Variants in COL21A1 observed in about 807,000 individuals in gnomAD.
COL21A1 encodes collagen alpha-1(XXI) chain.
Under a neutral mutation model 137.9 loss-of-function variants are expected in COL21A1, and 149 were observed. The observed-to-expected ratio is 1.08, with a 90% confidence interval of 0.95 to 1.24. The LOEUF is 1.24. Among genes scored for constraint, COL21A1 ranks in the 50% most tolerant of loss-of-function variants. The pLI is 0.00. For synonymous variants in COL21A1, 456 were observed against 391.5 expected (o/e 1.16, Z -1.95); for missense variants, 1,167 against 1,158.4 (o/e 1.01, Z -0.11).
At chr6:56,077,740 G>T (rs969513) in intron 17 of COL21A1, 167 bp from the exon 18 acceptor site, 527,140 of 539,230 alleles carry the variant, frequency 0.98, 257,708 homozygotes, top group East Asian at 1. Context: ...AGACAACTTA[G>T]GAGATATAGC....
chr6:56,221,059 A>G (rs1163560096), intron 1 of COL21A1, among the ~76,000 whole-genome samples: 1 of 152,150 alleles, frequency 6.6e-6, no homozygotes, highest in East Asian at 1.9e-4. Context: ...TATGTATATT[A>G]GTCCAGAGTT....
intron 1 of COL21A1, among the ~76,000 whole-genome samples, chr6:56,374,763 C>T (rs1392611067): frequency 6.6e-6 from 1 of 151,758 alleles, no homozygotes; most frequent in African/African-American, 2.4e-5. Flanking sequence ...TTTCATGTCT[C>T]CAAACCTTGG....
At chr6:56,160,425 C>T (rs1776108568) in intron 9 of COL21A1, among the ~76,000 whole-genome samples, 4 of 152,146 alleles carry the variant, frequency 2.6e-5, no homozygotes, top group Admixed American at 6.6e-5. Flanking sequence ...AGTTCCACTC[C>T]AGGGTCCAAG....
rs1771649104 is a variant in COL21A1, at chr6:56,113,717, G to A, written c.1758+10345C>T. Among the ~76,000 whole-genome samples, 8 of 152,094 alleles carry A rather than the reference G, an allele frequency of 5.3e-5. No individual in the cohort carries two copies. In the South Asian group the frequency reaches 1.7e-3, roughly 32 times the overall value. On this transcript the variant is annotated intron_variant, in intron 16 of 29. Coordinates refer to ENST00000244728, the MANE Select transcript of COL21A1 (RefSeq NM_030820.4). ...AAGGAAACTCTGTATTACACCTTAGGTACCAACACTGCCACGGGGAAGTAG... is the reference window on the plus strand; with the variant it reads ...AAGGAAACTCTGTATTACACCTTAGATACCAACACTGCCACGGGGAAGTAG...
chr6:56,072,002 G>A (rs1766798285), intron 20 of COL21A1, among the ~76,000 whole-genome samples: 1 of 151,422 alleles, frequency 6.6e-6, no homozygotes, highest in African/African-American at 2.4e-5. Flanking sequence ...GCCCCAGTGT[G>A]TGTTGTTCCT....
chr6:56,334,989 A>G (rs1009049948), intron 1 of COL21A1, among the ~76,000 whole-genome samples: 7 of 152,194 alleles, frequency 4.6e-5, no homozygotes, highest in African/African-American at 1.7e-4. Context: ...AAATGAATTT[A>G]TCTTCTTTGT....
At chr6:56,246,088 C>A (rs1782621509) in intron 1 of COL21A1, among the ~76,000 whole-genome samples, 1 of 148,014 alleles carries the variant, frequency 6.8e-6, no homozygotes, top group South Asian at 2.3e-4. Flanking sequence ...ATTTTGAAAT[C>A]TCAGATATCT....
intron 1 of COL21A1, among the ~76,000 whole-genome samples, chr6:56,376,219 T>G (rs1011260780): frequency 6.6e-6 from 1 of 152,160 alleles, no homozygotes; most frequent in African/African-American, 2.4e-5. Context: ...AAGATAAGGA[T>G]TAAAACCTCT....
intron 1 of COL21A1, among the ~76,000 whole-genome samples, chr6:56,256,219 A>G (rs1782968686): frequency 6.6e-6 from 1 of 152,226 alleles, no homozygotes; most frequent in African/African-American, 2.4e-5. Context: ...TCTCAGCTCC[A>G]GCTAGTCTCA....
chr6:56,136,297 T>C (rs1261787398), intron 12 of COL21A1, among the ~76,000 whole-genome samples: 2 of 152,228 alleles, frequency 1.3e-5, no homozygotes, highest in Admixed American at 6.5e-5. Flanking sequence ...TGCTTGTTAC[T>C]GTAGCATAAG....
chr6:56,255,874 G>A (rs1230221414), intron 1 of COL21A1, among the ~76,000 whole-genome samples: 1 of 152,180 alleles, frequency 6.6e-6, no homozygotes, highest in Non-Finnish European at 1.5e-5. Flanking sequence ...TGTCTGAGAG[G>A]AGGGGACGGC....
chr6:56,342,448 C>T lies in COL21A1; in HGVS notation c.-39+51523G>A, dbSNP rs9296841. On this transcript the variant is annotated intron_variant, in intron 1 of 28. Transcript: ENST00000370819. The stretch of plus-strand genomic sequence containing the variant: ...TGAGGATGAAACTTAGCCATTAATG[C>T]TCTTCAGGAGTGGGCAAAGGGATTG... Among the ~76,000 whole-genome samples, 1,304 of 152,288 alleles carry T rather than the reference C, an allele frequency of 8.6e-3. 21 individuals are homozygous for T. The highest frequency in any genetic ancestry group is 0.029 in the African/African-American group (1,190 of 41,554).
intron 9 of COL21A1, among the ~76,000 whole-genome samples, chr6:56,160,145 A>G (rs1776086276): frequency 6.6e-6 from 1 of 152,256 alleles, no homozygotes; most frequent in South Asian, 2.1e-4. Context: ...GGAAGAATAA[A>G]GTAAAATCCT....
At chr6:56,333,454 T>G (rs928857013) in intron 1 of COL21A1, among the ~76,000 whole-genome samples, 1 of 152,146 alleles carries the variant, frequency 6.6e-6, no homozygotes, top group African/African-American at 2.4e-5. Flanking sequence ...CATATTGTAA[T>G]GTATATCAAT....
Position 56,078,804 on chromosome 6 carries a change from A to G in COL21A1, c.1813-1231T>C, listed in dbSNP as rs906449530. ...ACCATTTGCAGAGAACAAAAGTGGT[A>G]TGTGAGCAATGACTATCAACAAGGG... is the stretch of plus-strand genomic sequence containing the variant. On this transcript the variant is annotated intron_variant, in intron 17 of 29. Coordinates refer to ENST00000244728, the MANE Select transcript of COL21A1 (RefSeq NM_030820.4). Among the ~76,000 whole-genome samples the G allele has an allele frequency of 3.3e-5, 5 of 151,780 alleles. No homozygotes were observed. The East Asian group carries it at 9.7e-4, about 29-fold the overall frequency.
chr6:56,074,242 G>C lies in COL21A1; in HGVS notation c.1955C>G (p.Pro652Arg). The C allele has an allele frequency of 6.3e-7, 1 of 1,581,134 alleles. No individual in the cohort carries two copies. Among genetic ancestry groups the C allele is most frequent in the Non-Finnish European group, 8.6e-7 (1 of 1,163,722 alleles). ...SNGSPGQPGTPGSKGSKGEPG... is the reference protein window; with the variant it reads ...SNGSPGQPGTRGSKGSKGEPG... ...TTTTATCATATTTACCTTAGATCCC[G>C]GTGTTCCAGGCTGGCCTGGTGAGCC... Residue 652 changes from proline (P) to arginine (R), a missense_variant, in exon 20 of 30, where the codon CCG (proline) becomes CGG (arginine). Pro to Arg is a moderately radical substitution (Grantham distance 103). Coordinates refer to ENST00000244728, the MANE Select transcript of COL21A1 (RefSeq NM_030820.4).
chr6:56,381,656 G>C (rs1285308866), intron 1 of COL21A1, among the ~76,000 whole-genome samples: 2 of 152,196 alleles, frequency 1.3e-5, no homozygotes, highest in Non-Finnish European at 2.9e-5. Context: ...AGCTACAAAA[G>C]TTGCTTTTAA....
chr6:56,275,059 C>T (rs1455989517), intron 1 of COL21A1, among the ~76,000 whole-genome samples: 2 of 151,974 alleles, frequency 1.3e-5, no homozygotes, highest in East Asian at 1.9e-4. Context: ...AAATAAAGTC[C>T]CACACTGCAA....
chr6:56,294,371 A>G (rs1001128789), intron 1 of COL21A1, among the ~76,000 whole-genome samples: 2 of 152,122 alleles, frequency 1.3e-5, no homozygotes, highest in Non-Finnish European at 2.9e-5. Context: ...AATACATTGC[A>G]TATTTCTACA....
Sources: allele counts gnomAD v4.1 joint callset (sites outside exome capture counted in the v4.1 genomes callset), GRCh38; gene constraint gnomAD v4.1.1; transcripts MANE v1.5; gene names NCBI Gene and HGNC (gene_info 2026-07-23, HGNC 2026-07-21).